Variants in RSU1 observed in about 807,000 individuals in gnomAD.
The protein encoded by RSU1 is rsu-1.
RSU1 carries 26 observed loss-of-function variants against 31.1 expected under a neutral mutation model. The ratio of observed to expected loss-of-function variants is 0.84; its 90% CI spans 0.61 to 1.16. RSU1 has a LOEUF of 1.16. RSU1 is among the 50% of genes most tolerant of loss of function. The pLI, the probability that RSU1 is intolerant of heterozygous loss-of-function variation, is 0.00. For synonymous variants in RSU1, 164 were observed against 136.3 expected, an observed-to-expected ratio of 1.20 and a Z score of -1.41; for missense variants, 320 against 339.1, an observed-to-expected ratio of 0.94 and a Z score of 0.44.
At chr10:16,720,405 A>T (rs887380935) in intron 7 of RSU1, among the ~76,000 whole-genome samples, 2 of 152,254 alleles carry the variant, frequency 1.3e-5, no homozygotes, top group African/African-American at 2.4e-5. Context: ...AGAAATGCAC[A>T]TAGTCACTAC....
intron 8 of RSU1, among the ~76,000 whole-genome samples, chr10:16,606,102 G>A (rs907462348): frequency 4.6e-5 from 7 of 152,204 alleles, no homozygotes; most frequent in East Asian, 1.9e-4. Context: ...GTGCTGCAGC[G>A]CCACTTCGTG....
At chr10:16,743,557 G>T (rs76989712) in intron 7 of RSU1, among the ~76,000 whole-genome samples, 6,742 of 152,186 alleles carry the variant, frequency 0.044, 472 homozygotes, top group African/African-American at 0.15. Context: ...AATTGACAAA[G>T]TCAATCTTAT....
chr10:16,659,407 G>C (rs7085849), intron 8 of RSU1, among the ~76,000 whole-genome samples: 31,215 of 149,526 alleles, frequency 0.21, 3,934 homozygotes, highest in South Asian at 0.38. Context: ...AATATACCTG[G>C]AACCGATTTT....
intron 3 of RSU1, among the ~76,000 whole-genome samples, chr10:16,780,256 G>A (rs1349124261): frequency 1.3e-5 from 2 of 152,148 alleles, no homozygotes; most frequent in Non-Finnish European, 2.9e-5. Context: ...AGAAATAAAG[G>A]TTTTGCTTTC....
intron 7 of RSU1, among the ~76,000 whole-genome samples, chr10:16,709,839 GGTT>G (rs1835981989): frequency 6.6e-6 from 1 of 151,950 alleles, no homozygotes; most frequent in Non-Finnish European, 1.5e-5. Context: ...TTTTTGATGG[GGTT>G]GTTTTTTTCT....
chr10:16,665,094 C>G (rs561250095), intron 8 of RSU1, among the ~76,000 whole-genome samples: 1 of 152,122 alleles, frequency 6.6e-6, no homozygotes, highest in South Asian at 2.1e-4. Flanking sequence ...CAGGCGCATG[C>G]TGTCACGCTG....
In RSU1 at chr10:16,787,526, C is replaced by T. The variant is rs1023807300; in HGVS notation, c.110-5442G>A. Among the ~76,000 whole-genome samples, 7 of 152,280 alleles carry T rather than the reference C, an allele frequency of 4.6e-5. No individual in the cohort carries two copies. The East Asian group carries it at 7.7e-4, about 17-fold the overall frequency. Reference sequence around the variant, plus strand: ...CACTGATATGGTTAGGCTGCGTCCTCGCCCAAATCTCACCTTGAATTTTAA... The same window carrying T: ...CACTGATATGGTTAGGCTGCGTCCTTGCCCAAATCTCACCTTGAATTTTAA... On this transcript the variant is annotated intron_variant, in intron 2 of 8. Transcript: ENST00000345264.
intron 2 of RSU1, among the ~76,000 whole-genome samples, chr10:16,802,616 C>A (rs958563723): frequency 1.3e-5 from 2 of 152,106 alleles, no homozygotes; most frequent in African/African-American, 4.8e-5. Flanking sequence ...ACCAATCTCT[C>A]TCATGGACAT....
At chr10:16,635,622 C>T (rs1051862548) in intron 8 of RSU1, among the ~76,000 whole-genome samples, 8 of 152,258 alleles carry the variant, frequency 5.3e-5, no homozygotes, top group East Asian at 1.9e-4. Context: ...GGTCCTATCT[C>T]CTACCTCATT....
At chr10:16,699,252 G>A (rs935541264) in intron 7 of RSU1, among the ~76,000 whole-genome samples, 1 of 152,144 alleles carries the variant, frequency 6.6e-6, no homozygotes, top group Non-Finnish European at 1.5e-5. Context: ...TGTCACCGGT[G>A]GATAACACAA....
At chr10:16,745,127 C>A (rs2131613694) in intron 7 of RSU1, among the ~76,000 whole-genome samples, 1 of 152,182 alleles carries the variant, frequency 6.6e-6, no homozygotes, top group South Asian at 2.1e-4. Flanking sequence ...TCAGAAGAGC[C>A]CAGGTTTCAG....
rs138280278 is a variant in RSU1, at chr10:16,599,003, C to T, written c.732-5507G>A. Among the ~76,000 whole-genome samples the T allele has an allele frequency of 1.2e-4, 18 of 152,292 alleles. No individual in the cohort carries two copies. In the East Asian group the frequency reaches 2.3e-3, roughly 20 times the overall value. The stretch of plus-strand genomic sequence containing the variant: ...AAAGGAAAAATGGGTGTTGTTTCTA[C>T]GAGAGGAAGTGCAAACAGCTTTGCA... On this transcript the variant is annotated intron_variant, in intron 8 of 8. Coordinates refer to ENST00000345264, the MANE Select transcript of RSU1 (RefSeq NM_012425.4).
At chr10:16,648,844 C>T (rs1315598117) in intron 8 of RSU1, among the ~76,000 whole-genome samples, 7 of 151,524 alleles carry the variant, frequency 4.6e-5, no homozygotes, top group African/African-American at 9.7e-5. Flanking sequence ...AACAGGAAAC[C>T]GTGGGCTGTA....
chr10:16,595,032 C>T (rs2131450616), intron 8 of RSU1, among the ~76,000 whole-genome samples: 2 of 152,144 alleles, frequency 1.3e-5, no homozygotes, highest in Middle Eastern at 6.8e-3. Flanking sequence ...GATCCACCCA[C>T]CTTGGCCTCC....
chr10:16,669,137 C>T (rs1835056560), intron 8 of RSU1, among the ~76,000 whole-genome samples: 1 of 152,036 alleles, frequency 6.6e-6, no homozygotes, highest in African/African-American at 2.4e-5. Context: ...GCTATCAGAT[C>T]TTATTTTTCC....
chr10:16,623,839 C>T (rs892207659), intron 8 of RSU1, among the ~76,000 whole-genome samples: 1 of 152,110 alleles, frequency 6.6e-6, no homozygotes, highest in Non-Finnish European at 1.5e-5. Flanking sequence ...AAACCCTTCT[C>T]CAGTTACAAG....
At chr10:16,756,473 C>T (rs563720530) in intron 4 of RSU1, among the ~76,000 whole-genome samples, 70 of 152,292 alleles carry the variant, frequency 4.6e-4, no homozygotes, top group African/African-American at 1.6e-3. Context: ...TCCGCTTCCT[C>T]CTCAGCCCAC....
intron 2 of RSU1, among the ~76,000 whole-genome samples, chr10:16,790,421 A>G (rs11254189): frequency 0.033 from 5,092 of 152,308 alleles, 83 homozygotes; most frequent in Middle Eastern, 0.044. Context: ...CACGCTAGGT[A>G]TAAGAATCAT....
chr10:16,603,282 T>A (rs947245363), intron 8 of RSU1, among the ~76,000 whole-genome samples: 2 of 152,188 alleles, frequency 1.3e-5, no homozygotes, highest in African/African-American at 4.8e-5. Context: ...ATAAGGCAGA[T>A]TTCAAAACAG....
Sources: gnomAD v4.1 joint callset for allele counts (sites outside exome capture counted in the v4.1 genomes callset) on GRCh38, gnomAD v4.1.1 for gene constraint, MANE v1.5 for transcripts, NCBI Gene and HGNC (gene_info 2026-07-23, HGNC 2026-07-21) for gene names.